Variants in SAGE1 observed in about 807,000 individuals in gnomAD.
The protein encoded by SAGE1 is sarcoma antigen 1.
A neutral mutation model predicts 55.4 loss-of-function variants in SAGE1; 55 were observed. The ratio of observed to expected loss-of-function variants is 0.99; its 90% CI spans 0.80 to 1.24. The LOEUF is 1.24. Ranked by LOEUF, SAGE1 falls within the 50% of genes most tolerant of loss-of-function variation. The pLI is 0.00. For synonymous variants in SAGE1, 240 were observed against 244.3 expected, an observed-to-expected ratio of 0.98 and a Z score of 0.17; for missense variants, 710 against 704.4, an observed-to-expected ratio of 1.01 and a Z score of -0.09.
chrX:135,910,261 T>A, intron 15 of SAGE1, 91 bp downstream of exon 15: 1 of 1,046,949 alleles, frequency 9.6e-7, no homozygotes, highest in Non-Finnish European at 1.3e-6. Context: ...TTGTATTACC[T>A]TTTCAGGCCT....
At chrX:135,896,091 G>A in intron 1 of SAGE1, 152 bp from the exon 2 acceptor site, 3 of 434,362 alleles carry the variant, frequency 6.9e-6, no homozygotes, top group Middle Eastern at 6.5e-4. Context: ...CTGGTACCAA[G>A]GCACACATTG....
rs782565638 is a variant in SAGE1, at chrX:135,912,820, C to A, written c.2638C>A (p.Gln880Lys). The change falls in exon 20 of 20, where the codon CAG becomes AAG. Residue 880 changes from glutamine to lysine, a missense_variant. Gln to Lys is a moderately conservative substitution (Grantham distance 53, BLOSUM62 1). Transcript: ENST00000370709. ...AARFKKVVLI[Q>K]QLEKALKEID... ...CAGGTTTAAAAAAGTTGTCTTAATT[C>A]AGCAACTCGAGAAGGCGCTTAAAGA... The A allele has an allele frequency of 8.3e-7, 1 of 1,208,012 alleles. No homozygotes were observed. Among genetic ancestry groups the A allele is most frequent in the South Asian group, 1.8e-5 (1 of 56,571 alleles).
chrX:135,905,284 A>G lies in SAGE1; in HGVS notation c.346A>G (p.Arg116Gly). 1.7e-6 allele frequency: 2 copies of G among 1,209,012 alleles called. No homozygotes were observed. The highest frequency in any genetic ancestry group is 3.5e-5 in the South Asian group (2 of 56,716). Residue 116 changes from arginine (R) to glycine (G), a missense_variant, in exon 5 of 20, where the codon AGG becomes GGG. Transcript: ENST00000370709. ...ATIAHNIREERMENGQSRTDK... is the reference protein window; with the variant it reads ...ATIAHNIREEGMENGQSRTDK... ...CATCGCTCACAATATCCGTGAAGAGAGGATGGAAAATGGCCAATCTCGAAC... is the reference window on the plus strand; with the variant it reads ...CATCGCTCACAATATCCGTGAAGAGGGGATGGAAAATGGCCAATCTCGAAC...
intron 10 of SAGE1, 23 bp from the exon 11 acceptor site, chrX:135,908,066 C>T: frequency 8.3e-7 from 1 of 1,206,894 alleles, no homozygotes; most frequent in Non-Finnish European, 1.1e-6. Flanking sequence ...CCTCACAGCT[C>T]ATCAACTACA....
At position 135,909,743 on chromosome X, in the gene SAGE1, G is replaced by A; in HGVS notation, c.1687G>A (p.Val563Ile). The A allele has an allele frequency of 8.3e-7, 1 of 1,204,423 alleles. No homozygotes were observed. The highest frequency in any genetic ancestry group is 1.1e-6 in the Non-Finnish European group (1 of 890,593). ...TVLPGLTYLT[V>I]AGIPAMSTRD... ...TCTACCAGGACTTACTTATTTGACA[G>A]TAGCTGGTATTCCGGCCATGAGTAC... The change falls in exon 14 of 20, where the codon GTA becomes ATA. Residue 563 changes from valine to isoleucine, a missense_variant. By Grantham distance (29) the Val-to-Ile change is conservative. Coordinates refer to ENST00000370709, the MANE Select transcript of SAGE1 (RefSeq NM_001381902.1).
chrX:135,908,338 G>T, intron 11 of SAGE1, 109 bp downstream of exon 11: 1 of 1,012,541 alleles, frequency 9.9e-7, no homozygotes, highest in South Asian at 2.2e-5. Context: ...TTGAATTTGT[G>T]GGGTCTCAGA....
intron 13 of SAGE1, 117 bp from the exon 14 acceptor site, chrX:135,909,522 G>C (rs1392794420): frequency 3.9e-6 from 3 of 777,806 alleles, no homozygotes; most frequent in Non-Finnish European, 5.5e-6. Context: ...ATCACCACCT[G>C]TTATAGCCTC....
At chrX:135,906,599 T>A in intron 7 of SAGE1, 48 bp downstream of exon 7, 1 of 707,609 alleles carries the variant, frequency 1.4e-6, no homozygotes, top group Non-Finnish European at 2.2e-6. Context: ...TCCATATGCA[T>A]GCATAGTGTC....
In SAGE1 at chrX:135,911,230, A is replaced by G; in HGVS notation, c.2044A>G (p.Thr682Ala). ...ATHSVHEEKM[T>A]NGQQAPDNSL... ...TCACAGTGTCCATGAGGAGAAGATG[A>G]CAAATGGCCAACAGGCACCTGATAA... The change falls in exon 17 of 20, where the codon ACA (threonine) becomes GCA (alanine). Residue 682 changes from threonine (T) to alanine (A), a missense_variant. Coordinates refer to ENST00000370709, the MANE Select transcript of SAGE1 (RefSeq NM_001381902.1). 8.3e-7 allele frequency: 1 copy of G among 1,210,062 alleles called. No homozygotes were observed. Among genetic ancestry groups the G allele is most frequent in the Admixed American group, 2.2e-5 (1 of 45,971 alleles).
At chrX:135,906,715 T>C (rs2088799396) in intron 7 of SAGE1, among the ~76,000 whole-genome samples, 164 bp downstream of exon 7, 1 of 111,186 alleles carries the variant, frequency 9.0e-6, no homozygotes, top group Non-Finnish European at 1.9e-5. Flanking sequence ...TCCTACTTGG[T>C]TTCCATATGC....
At chrX:135,904,267 C>A (rs1452634603) in intron 3 of SAGE1, among the ~76,000 whole-genome samples, 1 of 111,637 alleles carries the variant, frequency 9.0e-6, no homozygotes, top group Non-Finnish European at 1.9e-5. Context: ...GATTCCACTA[C>A]GCACCATATA....
At position 135,906,150 on chromosome X, in the gene SAGE1, G is replaced by A. The variant is rs1556600791; in HGVS notation, c.581G>A (p.Ser194Asn). 4.1e-6 allele frequency: 5 copies of A among 1,205,634 alleles called. No individual in the cohort carries two copies. Among genetic ancestry groups the A allele is most frequent in the South Asian group, 3.6e-5 (2 of 55,543 alleles). The change falls in exon 6 of 20, where the codon AGT becomes AAT. Residue 194 changes from serine to asparagine, a missense_variant. By Grantham distance (46) the Ser-to-Asn change is conservative (BLOSUM62 1). Coordinates refer to ENST00000370709, the MANE Select transcript of SAGE1 (RefSeq NM_001381902.1). ...GCAGCAACTCCTATTCCAGCCATGA[G>A]TGCCAGAGATCTCTGTATGTCCACT... ...NMAATPIPAM[S>N]ARDLYATVTH...
rs576848837 is a variant in SAGE1 at position 135,900,534 on chromosome X, T to C, written c.88-1025T>C. Among the ~76,000 whole-genome samples, 13 of 111,408 alleles carry C rather than the reference T, an allele frequency of 1.2e-4. No homozygotes were observed. In the South Asian group the frequency reaches 3.5e-3, roughly 30 times the overall value. Reference sequence around the variant, plus strand: ...GAGTTAGGTAGGAGTCCCTCCTTTTTAATTTTTTGGAATAGTTTCGGTAGT... The same window carrying C: ...GAGTTAGGTAGGAGTCCCTCCTTTTCAATTTTTTGGAATAGTTTCGGTAGT... On this transcript the variant is annotated intron_variant, in intron 2 of 19. Coordinates refer to ENST00000370709, the MANE Select transcript of SAGE1 (RefSeq NM_001381902.1).
intron 3 of SAGE1, among the ~76,000 whole-genome samples, chrX:135,904,135 G>T (rs1242717159): frequency 9.0e-6 from 1 of 111,576 alleles, no homozygotes; most frequent in Non-Finnish European, 1.9e-5. Flanking sequence ...TGGCCAATCT[G>T]CACACAATAA....
intron 3 of SAGE1, among the ~76,000 whole-genome samples, chrX:135,903,480 C>T (rs1167458143): frequency 2.7e-5 from 3 of 112,869 alleles, no homozygotes; most frequent in Admixed American, 9.3e-5. Flanking sequence ...TCCCTGGGTC[C>T]TGGCATGCTG....
At chrX:135,904,408 G>A in intron 3 of SAGE1, 69 bp from the exon 4 acceptor site, 1 of 638,203 alleles carries the variant, frequency 1.6e-6, no homozygotes. Flanking sequence ...CTGAGCATCA[G>A]TGGGGCATGC....
chrX:135,906,443 A>T lies in SAGE1; in HGVS notation c.628A>T (p.Lys210Ter). ...AGTCACTCACAATGTCTGTGAACAG[A>T]AGATGGAAAATGTCCAACCAGCACC... Reference protein sequence around the residue: ...ATVTHNVCEQKMENVQPAPDN... With the variant: ...ATVTHNVCEQ The change falls in exon 7 of 20, where the codon AAG (lysine) becomes TAG (stop). Residue 210 changes from lysine (K) to a stop codon, truncating the protein, a stop_gained. Transcript: ENST00000370709. LOFTEE classifies it high-confidence loss of function. The T allele has an allele frequency of 8.3e-7, 1 of 1,211,374 alleles. No individual in the cohort carries two copies. The highest frequency in any genetic ancestry group is 2.3e-4 in the Middle Eastern group (1 of 4,351).
At chrX:135,908,835 A>G (rs1179658458) in intron 12 of SAGE1, 29 bp from the exon 13 acceptor site, 2 of 1,203,942 alleles carry the variant, frequency 1.7e-6, no homozygotes, top group African/African-American at 3.5e-5. Flanking sequence ...CACGTACCTC[A>G]CAGCTTGACC....
chrX:135,897,775 T>C (rs2088609180), intron 2 of SAGE1, among the ~76,000 whole-genome samples: 1 of 110,840 alleles, frequency 9.0e-6, no homozygotes, highest in African/African-American at 3.3e-5. Context: ...ACCCATCACC[T>C]TGGTATTAAG....
Sources: allele counts gnomAD v4.1 joint callset (sites outside exome capture counted in the v4.1 genomes callset), GRCh38; gene constraint gnomAD v4.1.1; transcripts MANE v1.5; gene names NCBI Gene and HGNC (gene_info 2026-07-23, HGNC 2026-07-21).